Variants in SLC24A3 observed in about 807,000 individuals in gnomAD.
The protein encoded by SLC24A3 is solute carrier family 24 member 3.
Under a neutral mutation model 75.8 loss-of-function variants are expected in SLC24A3, and 28 were observed. The ratio of observed to expected loss-of-function variants is 0.37; its 90% CI spans 0.27 to 0.51. The LOEUF (loss-of-function observed/expected upper bound fraction) is 0.51, where lower values mean the gene tolerates loss of function less well. SLC24A3 is among the 20% of genes least tolerant of loss of function. The pLI is 0.94. For synonymous variants in SLC24A3, 372 were observed against 334.1 expected (o/e 1.11, Z -1.24); for missense variants, 663 against 847.8 (o/e 0.78, Z 2.71).
At chr20:19,529,225 C>A (rs2030251177) in intron 3 of SLC24A3, among the ~76,000 whole-genome samples, 1 of 152,050 alleles carries the variant, frequency 6.6e-6, no homozygotes, top group Admixed American at 6.5e-5. Context: ...AAATATGTGT[C>A]TCCGTGGCAA....
At chr20:19,541,406 C>A (rs1395406932) in intron 3 of SLC24A3, among the ~76,000 whole-genome samples, 1 of 152,234 alleles carries the variant, frequency 6.6e-6, no homozygotes, top group Non-Finnish European at 1.5e-5. Flanking sequence ...TGTCCAGGAG[C>A]AGCCTCCCTT....
At chr20:19,560,556 G>C (rs2030858730) in intron 3 of SLC24A3, among the ~76,000 whole-genome samples, 1 of 152,206 alleles carries the variant, frequency 6.6e-6, no homozygotes, top group East Asian at 1.9e-4. Context: ...GGGTACATCT[G>C]CTCCCTGTAC....
chr20:19,350,486 C>G (rs998244152), intron 2 of SLC24A3, among the ~76,000 whole-genome samples: 2 of 152,014 alleles, frequency 1.3e-5, no homozygotes, highest in Non-Finnish European at 1.5e-5. Context: ...TATCATTTAC[C>G]AGTTTAGCTT....
chr20:19,262,805 C>T (rs1439175996), intron 1 of SLC24A3, among the ~76,000 whole-genome samples: 1 of 152,190 alleles, frequency 6.6e-6, no homozygotes, highest in East Asian at 1.9e-4. Flanking sequence ...ACGATTATTT[C>T]TGAATGTAAT....
chr20:19,576,554 T>G (rs1339788207), intron 3 of SLC24A3, among the ~76,000 whole-genome samples: 4 of 152,158 alleles, frequency 2.6e-5, no homozygotes, highest in African/African-American at 4.8e-5. Context: ...CCAGAGGTGC[T>G]ATGTCAAAGG....
intron 2 of SLC24A3, among the ~76,000 whole-genome samples, chr20:19,364,328 G>A (rs1020077310): frequency 6.6e-6 from 1 of 152,072 alleles, no homozygotes; most frequent in African/African-American, 2.4e-5. Flanking sequence ...GGGAATGAGG[G>A]GTACAAAGAT....
chr20:19,522,864 A>T (rs2030129387), intron 3 of SLC24A3, among the ~76,000 whole-genome samples: 1 of 152,108 alleles, frequency 6.6e-6, no homozygotes, highest in Non-Finnish European at 1.5e-5. Context: ...TACATTGTAG[A>T]ATAAGCAAAT....
chr20:19,488,116 G>C (rs1988154450), intron 2 of SLC24A3, among the ~76,000 whole-genome samples: 1 of 152,210 alleles, frequency 6.6e-6, no homozygotes, highest in Admixed American at 6.5e-5. Flanking sequence ...AACAAGAAGA[G>C]AATTGGCATG....
At chr20:19,669,652 C>T (rs1024247175) in intron 8 of SLC24A3, among the ~76,000 whole-genome samples, 1 of 152,008 alleles carries the variant, frequency 6.6e-6, no homozygotes, top group Non-Finnish European at 1.5e-5. Context: ...GAACGCAGGG[C>T]GATGGTTTGG....
chr20:19,553,156 AG>A (rs3838379), intron 3 of SLC24A3, among the ~76,000 whole-genome samples: 89,492 of 149,172 alleles, frequency 0.6, 28,440 homozygotes, highest in Non-Finnish European at 0.69. Flanking sequence ...AGCAGCTTAC[AG>A]AACACAGGGC....
intron 2 of SLC24A3, among the ~76,000 whole-genome samples, chr20:19,339,987 T>A (rs1344973696): frequency 6.6e-6 from 1 of 152,180 alleles, no homozygotes; most frequent in Non-Finnish European, 1.5e-5. Context: ...GCAGCCTGTC[T>A]TCTGTCTCTG....
intron 2 of SLC24A3, among the ~76,000 whole-genome samples, chr20:19,433,581 G>A (rs1371232868): frequency 6.6e-6 from 1 of 152,186 alleles, no homozygotes; most frequent in Non-Finnish European, 1.5e-5. Flanking sequence ...CTGCTGCCTT[G>A]TGGTAGGCCC....
At chr20:19,638,591 G>A (rs1286983116) in intron 6 of SLC24A3, among the ~76,000 whole-genome samples, 1 of 152,144 alleles carries the variant, frequency 6.6e-6, no homozygotes, top group African/African-American at 2.4e-5. Context: ...GCCAGGCAGT[G>A]TTCTAAACCT....
intron 2 of SLC24A3, among the ~76,000 whole-genome samples, chr20:19,494,370 G>A (rs3827986): frequency 0.33 from 50,361 of 152,050 alleles, 9,009 homozygotes; most frequent in East Asian, 0.51. Flanking sequence ...ATTAGTGGAG[G>A]GAAGCTTTGC....
chr20:19,303,474 G>A (rs759629249), intron 2 of SLC24A3, among the ~76,000 whole-genome samples: 8 of 152,156 alleles, frequency 5.3e-5, no homozygotes, highest in Admixed American at 3.9e-4. Context: ...ATGAACATAT[G>A]CGTGCCTGTA....
rs1320603807 is a variant in SLC24A3 at position 19,212,814 on chromosome 20, C to G, written c.-29C>G. On this transcript the variant is annotated 5_prime_UTR_variant, in exon 1 of 17. Transcript: ENST00000328041. ...GCCCGCGACAGGAGCGGCCGCCGCC[C>G]GCCGAGGCCGCCGCCCGGCCGCCCG... The G allele has an allele frequency of 3.1e-6, 3 of 980,290 alleles. No homozygotes were observed. The highest frequency in any genetic ancestry group is 3.6e-6 in the Non-Finnish European group (3 of 828,066). 60.7% of individuals were successfully genotyped at this position (980,290 alleles called of 1,614,324 possible).
At chr20:19,599,987 A>C (rs2031505000) in intron 6 of SLC24A3, among the ~76,000 whole-genome samples, 1 of 152,156 alleles carries the variant, frequency 6.6e-6, no homozygotes, top group African/African-American at 2.4e-5. Context: ...TTTTGGAAAC[A>C]TGTTGGCGTC....
intron 2 of SLC24A3, among the ~76,000 whole-genome samples, chr20:19,470,312 A>G (rs59752449): frequency 0.024 from 3,592 of 152,280 alleles, 144 homozygotes; most frequent in African/African-American, 0.082. Flanking sequence ...AGGAGGCTAC[A>G]CAGATCCCTG....
chr20:19,287,327 C>G (rs1218036278), intron 2 of SLC24A3, among the ~76,000 whole-genome samples: 1 of 152,180 alleles, frequency 6.6e-6, no homozygotes, highest in African/African-American at 2.4e-5. Context: ...TAGATGCTCA[C>G]CGATGCTCAC....
Sources: gnomAD v4.1 joint callset for allele counts (sites outside exome capture counted in the v4.1 genomes callset) on GRCh38, gnomAD v4.1.1 for gene constraint, MANE v1.5 for transcripts, NCBI Gene and HGNC (gene_info 2026-07-23, HGNC 2026-07-21) for gene names.